WDR4: variants seen among roughly 807,000 people sequenced by gnomAD.
WDR4 encodes the protein WDR4 tRNA N7-guanosine methyltransferase non-catalytic subunit, also known as tRNA (guanine-N(7)-)-methyltransferase non-catalytic subunit WDR4.
Under a neutral mutation model 48.6 loss-of-function variants are expected in WDR4, and 47 were observed. The observed-to-expected ratio is 0.97, with a 90% CI of 0.77 to 1.23. WDR4 has a LOEUF of 1.23. Among genes scored for constraint, WDR4 ranks in the 50% most tolerant of loss-of-function variants. WDR4 has a pLI of 0.00. For synonymous variants in WDR4, 268 were observed against 230.0 expected (o/e 1.17, Z -1.49); for missense variants, 606 against 551.6 (o/e 1.10, Z -0.99).
chr21:42,855,574 G>T, intron 7 of WDR4, 108 bp downstream of exon 7: 1 of 766,970 alleles, frequency 1.3e-6, no homozygotes, highest in Non-Finnish European at 2.0e-6. Flanking sequence ...AGGAAGTCTG[G>T]CATTGAGAGC....
downstream of WDR4, among the ~76,000 whole-genome samples, chr21:42,845,152 A>G (rs2057699941): frequency 6.6e-6 from 1 of 152,254 alleles, no homozygotes; most frequent in Admixed American, 6.5e-5. Flanking sequence ...TATGAAGCAC[A>G]AAACAGGGCT....
rs2058169049 is a variant in WDR4 at position 42,863,560 on chromosome 21, T to TA, written c.332dup (p.Ala112SerfsTer45). ...CCACCAAGACCTTCTCCTCCGAGGCTATGAAAGTCAGGGCTGTACACCTCC... is the reference window on the plus strand; with the variant it reads ...CCACCAAGACCTTCTCCTCCGAGGCTAATGAAAGTCAGGGCTGTACACCTCC... On this transcript the variant is annotated frameshift_variant, in exon 4 of 11. Coordinates refer to ENST00000398208, the MANE Select transcript of WDR4 (RefSeq NM_018669.6). LOFTEE classifies it high-confidence loss of function. 2 of 1,613,432 alleles carry TA rather than the reference T, an allele frequency of 1.2e-6. No homozygotes were observed. The highest frequency in any genetic ancestry group is 1.7e-6 in the Non-Finnish European group (2 of 1,179,862).
chr21:42,861,398 T>C (rs1056380238), intron 5 of WDR4, among the ~76,000 whole-genome samples: 5 of 150,796 alleles, frequency 3.3e-5, no homozygotes, highest in African/African-American at 1.2e-4. Context: ...ATTTTAATAC[T>C]ATGTTTTTAC....
At chr21:42,891,585 T>C in the WDR4 span, among the ~76,000 whole-genome samples, 2 of 151,928 alleles carry the variant, frequency 1.3e-5, no homozygotes, top group African/African-American at 2.4e-5. Flanking sequence ...GTTACTAAGC[T>C]GTGAATTATT....
chr21:42,852,128 C>T (rs1252372544), intron 10 of WDR4, 127 bp downstream of exon 10: 1 of 975,086 alleles, frequency 1.0e-6, no homozygotes, highest in East Asian at 2.6e-5. Context: ...TGGATGGGGA[C>T]ACACGCTTAC....
chr21:42,876,733 C>A lies in WDR4; in HGVS notation c.124G>T (p.Ala42Ser), dbSNP rs1569337979. The A allele has an allele frequency of 2.5e-6, 4 of 1,613,570 alleles. No homozygotes were observed. The highest frequency in any genetic ancestry group is 3.4e-6 in the Non-Finnish European group (4 of 1,179,804). ...TTTTCTTGTGACTTCTTTTCTGCAG[C>A]ACTGCAGTCATAGATGAAGAGGCTG... Reference protein sequence around the residue: ...DDSLFIYDCSAAEKKSQENKG... With the variant: ...DDSLFIYDCSSAEKKSQENKG... Residue 42 changes from alanine to serine, a missense_variant, in exon 2 of 11, where the codon GCT becomes TCT. Coordinates refer to ENST00000398208, the MANE Select transcript of WDR4 (RefSeq NM_018669.6).
the WDR4 span, among the ~76,000 whole-genome samples, chr21:42,887,951 A>T: frequency 3.3e-5 from 5 of 152,076 alleles, no homozygotes; most frequent in Non-Finnish European, 5.9e-5. Flanking sequence ...AAACAAAAAA[A>T]GTTTTTATAA....
the WDR4 span, among the ~76,000 whole-genome samples, chr21:42,889,743 A>G: frequency 1.3e-5 from 2 of 152,150 alleles, no homozygotes; most frequent in Non-Finnish European, 2.9e-5. Context: ...AGGGTTTTCC[A>G]TAACTTTTTT....
chr21:42,888,261 C>A, the WDR4 span, among the ~76,000 whole-genome samples: 1 of 152,188 alleles, frequency 6.6e-6, no homozygotes, highest in African/African-American at 2.4e-5. Flanking sequence ...ATATAAGTAT[C>A]TATATTATGA....
intron 2 of WDR4, among the ~76,000 whole-genome samples, 175 bp downstream of exon 2, chr21:42,876,527 T>C (rs2058496432): frequency 6.6e-6 from 1 of 152,154 alleles, no homozygotes; most frequent in Non-Finnish European, 1.5e-5. Context: ...AATGTACTCT[T>C]AATGCCTAAC....
At chr21:42,882,476 T>C (rs920503831), upstream of WDR4, among the ~76,000 whole-genome samples, 6 of 150,448 alleles carry the variant, frequency 4.0e-5, no homozygotes, top group African/African-American at 1.5e-4. Flanking sequence ...GGCAGGAGAA[T>C]CACTAGAACC....
chr21:42,858,554 G>A (rs889433210), intron 6 of WDR4, among the ~76,000 whole-genome samples: 6 of 152,192 alleles, frequency 3.9e-5, no homozygotes, highest in Non-Finnish European at 5.9e-5. Context: ...CCCTCCTCGC[G>A]CCTTTTGGCA....
chr21:42,892,409 T>C, the WDR4 span, among the ~76,000 whole-genome samples: 1 of 152,298 alleles, frequency 6.6e-6, no homozygotes, highest in East Asian at 1.9e-4. Context: ...TGCATTTACT[T>C]GATAGCAGAC....
At position 42,853,703 on chromosome 21, in the gene WDR4, C is replaced by G; in HGVS notation, c.841G>C (p.Val281Leu). The G allele has an allele frequency of 6.4e-7, 1 of 1,573,696 alleles. No homozygotes were observed. Among genetic ancestry groups the G allele is most frequent in the Non-Finnish European group, 8.6e-7 (1 of 1,159,700 alleles). Residue 281 changes from valine to leucine, a missense_variant, in exon 9 of 11, where the codon GTG becomes CTG. Val to Leu is a conservative substitution (Grantham distance 32). Coordinates refer to ENST00000398208, the MANE Select transcript of WDR4 (RefSeq NM_018669.6). The part of the protein sequence containing the change: ...FQLDARRQQL[V>L]YRQQLAFQHQ... ...TGGAACGCCAGCTGCTGCCTGTACA[C>G]CAACTGCTGTCTGCGGGCGTCCAGC...
At chr21:42,876,238 G>C (rs2058489671) in intron 2 of WDR4, among the ~76,000 whole-genome samples, 1 of 31,130 alleles carries the variant, frequency 3.2e-5, no homozygotes, top group East Asian at 4.1e-4. Flanking sequence ...TTGGGAGACA[G>C]AGTCTTGCTC....
chr21:42,875,935 T>TTTTTGG (rs2058479964), intron 2 of WDR4, among the ~76,000 whole-genome samples: 1 of 149,588 alleles, frequency 6.7e-6, no homozygotes, highest in East Asian at 1.9e-4. Flanking sequence ...TTTTTTTTTT[T>TTTTTGG]GAGACGGAGT....
chr21:42,858,765 C>T (rs548248988), intron 6 of WDR4, among the ~76,000 whole-genome samples: 1 of 152,214 alleles, frequency 6.6e-6, no homozygotes, highest in African/African-American at 2.4e-5. Context: ...TCTCTCAGGT[C>T]GCGTGGCTGT....
rs2057900651 is a variant in WDR4, at chr21:42,853,675, T to C, written c.869A>G (p.His290Arg). 1 of 1,588,354 alleles carries C rather than the reference T, an allele frequency of 6.3e-7. No homozygotes were observed. The highest frequency in any genetic ancestry group is 1.1e-5 in the South Asian group (1 of 86,964). ...CTCGAAAGCCACGTCCCACACTTGGTGCTGGAACGCCAGCTGCTGCCTGTA... is the reference window on the plus strand; with the variant it reads ...CTCGAAAGCCACGTCCCACACTTGGCGCTGGAACGCCAGCTGCTGCCTGTA... ...LVYRQQLAFQ[H>R]QVWDVAFEET... Residue 290 changes from histidine (H) to arginine (R), a missense_variant, in exon 9 of 11, where the codon CAC (histidine) becomes CGC (arginine). Physicochemically the swap from His to Arg is conservative, Grantham distance 29. Transcript: ENST00000398208.
Position 42,871,517 on chromosome 21 carries a change from G to T in WDR4, c.296+2034C>A, listed in dbSNP as rs556920261. Among the ~76,000 whole-genome samples the T allele has an allele frequency of 5.9e-5, 9 of 152,294 alleles. No homozygotes were observed. In the South Asian group the frequency reaches 1.4e-3, roughly 25 times the overall value. On this transcript the variant is annotated intron_variant, in intron 3 of 10. Coordinates refer to ENST00000398208, the MANE Select transcript of WDR4 (RefSeq NM_018669.6). ...ACACTTCCCATCTTCTCTATTCTAG[G>T]TCCTAAATGACTTACTCATGTGGCT...
Sources: allele counts gnomAD v4.1 joint callset (sites outside exome capture counted in the v4.1 genomes callset), GRCh38; gene constraint gnomAD v4.1.1; transcripts MANE v1.5; gene names NCBI Gene and HGNC (gene_info 2026-07-23, HGNC 2026-07-21).